The following HECW1 variants were observed in gnomAD, a reference collection of about 807,000 sequenced individuals.
HECW1 encodes E3 ubiquitin-protein ligase HECW1.
Under a neutral mutation model 182.3 loss-of-function variants are expected in HECW1, and 61 were observed. That is an observed-to-expected ratio of 0.33 (90% CI 0.27 to 0.41). HECW1 has a LOEUF of 0.41. HECW1 is among the 10% of genes least tolerant of loss of function. The probability of loss-of-function intolerance (pLI) is 1.00; values close to 1 mark genes in which losing one functional copy is unlikely to be tolerated. For missense variants in HECW1, 1,739 were observed against 2,108.9 expected, an observed-to-expected ratio of 0.82 and a Z score of 3.44; for synonymous variants, 859 against 832.6, an observed-to-expected ratio of 1.03 and a Z score of -0.55.
At chr7:43,175,921 T>C (rs180963238) in intron 2 of HECW1, among the ~76,000 whole-genome samples, 365 of 152,322 alleles carry the variant, frequency 2.4e-3, no homozygotes, top group African/African-American at 8.3e-3. Context: ...CTTAAATTTC[T>C]CTTACCCACC....
At chr7:43,114,606 T>G (rs1784897558) in intron 2 of HECW1, among the ~76,000 whole-genome samples, 1 of 152,222 alleles carries the variant, frequency 6.6e-6, no homozygotes. Context: ...AAGCACTATT[T>G]TAATTCCTAG....
intron 5 of HECW1, among the ~76,000 whole-genome samples, chr7:43,333,976 C>T (rs976928892): frequency 2.6e-5 from 4 of 152,194 alleles, no homozygotes; most frequent in African/African-American, 9.7e-5. Flanking sequence ...TCCACTGGGA[C>T]CAGGAAACGG....
At chr7:43,369,675 T>A (rs1817088037) in intron 6 of HECW1, among the ~76,000 whole-genome samples, 2 of 152,116 alleles carry the variant, frequency 1.3e-5, no homozygotes, top group Admixed American at 6.6e-5. Context: ...GACATGAATA[T>A]ATCCAGTGAC....
chr7:43,254,660 G>A (rs1013851515), intron 3 of HECW1, among the ~76,000 whole-genome samples: 14 of 152,252 alleles, frequency 9.2e-5, no homozygotes, highest in African/African-American at 2.9e-4. Context: ...CAGCCTTCCA[G>A]CTTTCTTAGA....
chr7:43,184,695 T>A (rs1228120517), intron 2 of HECW1, among the ~76,000 whole-genome samples: 4 of 152,238 alleles, frequency 2.6e-5, no homozygotes, highest in Admixed American at 2.6e-4. Context: ...CATGCCTGTA[T>A]GCATCTGTTC....
At chr7:43,240,672 T>G (rs1432918270) in intron 2 of HECW1, among the ~76,000 whole-genome samples, 1 of 152,176 alleles carries the variant, frequency 6.6e-6, no homozygotes, top group African/African-American at 2.4e-5. Flanking sequence ...CTAGCAGCTG[T>G]GGCAGAGCAT....
chr7:43,320,735 T>C lies in HECW1; in HGVS notation c.453T>C (p.Phe151=). The part of the protein sequence containing the change: ...IIWKIDASSY[F]VEPETKICFK... ...GGAAGATCGATGCCAGCTCGTACTT[T>C]GTGGAACGTGAGTACCTTTACCATT... The change falls in exon 5 of 30, where the codon TTT becomes TTC. Residue 151 remains phenylalanine, a synonymous_variant. Coordinates refer to ENST00000395891, the MANE Select transcript of HECW1 (RefSeq NM_015052.5). 6.2e-7 allele frequency: 1 copy of C among 1,610,890 alleles called. No individual in the cohort carries two copies. The highest frequency in any genetic ancestry group is 2.2e-5 in the East Asian group (1 of 44,876).
intron 2 of HECW1, among the ~76,000 whole-genome samples, chr7:43,123,534 C>T (rs987430944): frequency 2.0e-5 from 3 of 152,148 alleles, no homozygotes; most frequent in Non-Finnish European, 2.9e-5. Context: ...CTAAATATTG[C>T]ATATGGACTT....
chr7:43,378,348 G>A (rs1030257705), intron 6 of HECW1, among the ~76,000 whole-genome samples: 1 of 152,218 alleles, frequency 6.6e-6, no homozygotes, highest in East Asian at 1.9e-4. Flanking sequence ...TCAGGAATAG[G>A]ATTATTCAAG....
intron 13 of HECW1, among the ~76,000 whole-genome samples, chr7:43,460,661 C>CA (rs2077553037): frequency 6.6e-6 from 1 of 151,900 alleles, no homozygotes; most frequent in African/African-American, 2.4e-5. Flanking sequence ...CCTTTTGCTA[C>CA]AAAAAAATGG....
chr7:43,309,997 G>A (rs890160206), intron 3 of HECW1, among the ~76,000 whole-genome samples: 6 of 152,186 alleles, frequency 3.9e-5, no homozygotes, highest in Non-Finnish European at 8.8e-5. Flanking sequence ...GGAGGAAACC[G>A]AGGTCCAGAA....
chr7:43,401,577 TTTTTTTTTTC>T (rs1000346431), intron 7 of HECW1, among the ~76,000 whole-genome samples: 4 of 148,968 alleles, frequency 2.7e-5, no homozygotes, highest in African/African-American at 9.9e-5. Context: ...GTTTTTTTTT[TTTTTTTTTTC>T]CCCCAAATAT....
At chr7:43,404,891 G>T (rs2075552906) in intron 7 of HECW1, among the ~76,000 whole-genome samples, 1 of 152,214 alleles carries the variant, frequency 6.6e-6, no homozygotes, top group East Asian at 1.9e-4. Flanking sequence ...CAGGAGAATT[G>T]CTTGAACCCG....
Position 43,373,453 on chromosome 7 carries a change from C to T in HECW1, c.555+12473C>T, listed in dbSNP as rs995167408. Among the ~76,000 whole-genome samples the T allele has an allele frequency of 7.2e-5, 11 of 152,072 alleles. 1 individual carries two copies. Among genetic ancestry groups the T allele is most frequent in the Middle Eastern group, 3.4e-3 (1 of 294 alleles). On this transcript the variant is annotated intron_variant, in intron 6 of 29. Coordinates refer to ENST00000395891, the MANE Select transcript of HECW1 (RefSeq NM_015052.5). ...GATTACAGGCATGAGCCACCATGCC[C>T]GGCTCCTTTCTTTTCTTTCTTTTCC... is the stretch of plus-strand genomic sequence containing the variant.
chr7:43,132,503 T>A (rs1787062466), intron 2 of HECW1, among the ~76,000 whole-genome samples: 1 of 151,922 alleles, frequency 6.6e-6, no homozygotes, highest in African/African-American at 2.4e-5. Context: ...TGGTCATTCT[T>A]CTGTGAACAA....
intron 2 of HECW1, among the ~76,000 whole-genome samples, chr7:43,195,911 T>C (rs1794420612): frequency 6.6e-6 from 1 of 152,076 alleles, no homozygotes; most frequent in Non-Finnish European, 1.5e-5. Flanking sequence ...TTCCCAGAAC[T>C]GTCACGGGGT....
At chr7:43,184,664 A>G (rs1583863964) in intron 2 of HECW1, among the ~76,000 whole-genome samples, 2 of 152,320 alleles carry the variant, frequency 1.3e-5, no homozygotes, top group South Asian at 2.1e-4. Flanking sequence ...TTGATCACCA[A>G]TGGCCAATGA....
At chr7:43,204,648 A>G (rs1343120196) in intron 2 of HECW1, among the ~76,000 whole-genome samples, 2 of 152,176 alleles carry the variant, frequency 1.3e-5, no homozygotes, top group Non-Finnish European at 2.9e-5. Context: ...CTACTGCAGT[A>G]AGGAAGAGAC....
At chr7:43,344,564 A>G (rs1171897922) in intron 5 of HECW1, among the ~76,000 whole-genome samples, 1 of 150,638 alleles carries the variant, frequency 6.6e-6, no homozygotes, top group East Asian at 1.9e-4. Context: ...TTGGATTCAT[A>G]GGGCTTTTTG....
Sources: gnomAD v4.1 joint callset for allele counts (sites outside exome capture counted in the v4.1 genomes callset) on GRCh38, gnomAD v4.1.1 for gene constraint, MANE v1.5 for transcripts, NCBI Gene and HGNC (gene_info 2026-07-23, HGNC 2026-07-21) for gene names.